SPICE1: variants seen among roughly 807,000 people sequenced by gnomAD.
SPICE1 encodes the protein spindle and centriole associated protein 1, also known as spindle and centriole-associated protein 1.
SPICE1 carries 75 observed loss-of-function variants against 102.7 expected under a neutral mutation model. The ratio of observed to expected loss-of-function variants is 0.73; its 90% CI spans 0.61 to 0.88. The LOEUF is 0.88. SPICE1 is among the 40% of genes least tolerant of loss of function. The pLI, the probability that SPICE1 is intolerant of heterozygous loss-of-function variation, is 0.00. For synonymous variants in SPICE1, 308 were observed against 350.3 expected (o/e 0.88, Z 1.35); for missense variants, 979 against 1,020.1 (o/e 0.96, Z 0.55).
intron 7 of SPICE1, among the ~76,000 whole-genome samples, chr3:113,474,885 A>AGCAAG (rs1936299347): frequency 3.3e-5 from 5 of 150,114 alleles, no homozygotes; most frequent in Admixed American, 1.3e-4. Flanking sequence ...AGAACTAGAA[A>AGCAAG]AGCAAACACA....
At chr3:113,476,004 T>C (rs937621270) in intron 7 of SPICE1, among the ~76,000 whole-genome samples, 4 of 152,202 alleles carry the variant, frequency 2.6e-5, no homozygotes, top group Non-Finnish European at 5.9e-5. Context: ...TGTCCCTGTT[T>C]GCAGATGACA....
chr3:113,453,556 T>G lies in SPICE1; in HGVS notation c.2052A>C (p.Ala684=). The change falls in exon 14 of 18, where the codon GCA becomes GCC. Residue 684 remains alanine (A), a synonymous_variant. Transcript: ENST00000295872. ...DLTLQNSAIK[A]HMNNIIEPRG... ...TGGGCTCAATAATATTATTCATATG[T>G]GCCTTGATAGCTGAATTCTGCAATG... The G allele has an allele frequency of 6.2e-7, 1 of 1,614,218 alleles. No homozygotes were observed. The highest frequency in any genetic ancestry group is 1.6e-4 in the Middle Eastern group (1 of 6,062).
Position 113,453,473 on chromosome 3 carries a change from A to T in SPICE1, c.2135T>A (p.Met712Lys), listed in dbSNP as rs746566645. 23 of 1,604,020 alleles carry T rather than the reference A, an allele frequency of 1.4e-5. No individual in the cohort carries two copies. The highest frequency in any genetic ancestry group is 2.0e-5 in the Non-Finnish European group (23 of 1,173,658). ...TCCTTAAATGGTACTCACAGAAGTC[A>T]TGTCACTTGCACTTTCTTGTTTGTT... ...ELNKQESASD[M>K]TSTFPVAQSL... Residue 712 changes from methionine to lysine, a missense_variant, in exon 14 of 18, where the codon ATG (methionine) becomes AAG (lysine). Transcript: ENST00000295872.
rs180933498 is a variant in SPICE1, at chr3:113,450,704, G to C, written c.2143-188C>G. ...CCATTCTCCTGCCTCAGTCTCCCGAGTAGCTGGGACTACAGGCACCTGCCA... is the reference window on the plus strand; with the variant it reads ...CCATTCTCCTGCCTCAGTCTCCCGACTAGCTGGGACTACAGGCACCTGCCA... On this transcript the variant is annotated intron_variant, in intron 14 of 17. Coordinates refer to ENST00000295872, the MANE Select transcript of SPICE1 (RefSeq NM_144718.4). Among the ~76,000 whole-genome samples the C allele has an allele frequency of 1.7e-3, 254 of 151,954 alleles. 3 individuals are homozygous for C. The highest frequency in any genetic ancestry group is 0.014 in the Admixed American group (208 of 15,268).
In SPICE1 at chr3:113,494,376, G is replaced by A. The variant is rs187025046; in HGVS notation, c.292-234C>T. Among the ~76,000 whole-genome samples, 421 of 152,202 alleles carry A rather than the reference G, an allele frequency of 2.8e-3. 3 individuals carry two copies. The highest frequency in any genetic ancestry group is 0.014 in the Middle Eastern group (4 of 294). ...GAAATATTCACAATTGGCCGGGCGC[G>A]GTGGCTCACGCCTGTAATCCCAGCA... On this transcript the variant is annotated intron_variant, in intron 4 of 17. Transcript: ENST00000295872.
chr3:113,506,431 G>T, intron 2 of SPICE1, 76 bp downstream of exon 2: 2 of 1,163,600 alleles, frequency 1.7e-6, no homozygotes, highest in Non-Finnish European at 2.5e-6. Flanking sequence ...ACACCATCTT[G>T]CATGACTAGG....
intron 13 of SPICE1, 139 bp from the exon 14 acceptor site, chr3:113,454,089 T>G: frequency 1.3e-6 from 1 of 766,030 alleles, no homozygotes; most frequent in Non-Finnish European, 2.0e-6. Context: ...TAAACTATTT[T>G]CAGCAGAGAA....
At position 113,445,364 on chromosome 3, in the gene SPICE1, T is replaced by C. The variant is rs1413925994; in HGVS notation, c.2515-4A>G. On this transcript the variant is annotated splice_region_variant and splice_polypyrimidine_tract_variant and intron_variant, in intron 17 of 17. Transcript: ENST00000295872. Reference sequence around the variant, plus strand: ...CTTCTTCATTCTGTTTCTCAATCTGTTGAACAAAGACACGGAAAAAATTTA... The same window carrying C: ...CTTCTTCATTCTGTTTCTCAATCTGCTGAACAAAGACACGGAAAAAATTTA... 2 of 1,612,386 alleles carry C rather than the reference T, an allele frequency of 1.2e-6. No individual in the cohort carries two copies. The highest frequency in any genetic ancestry group is 1.1e-5 in the South Asian group (1 of 90,832).
chr3:113,458,209 C>A (rs1214850371), intron 12 of SPICE1, among the ~76,000 whole-genome samples: 1 of 77,882 alleles, frequency 1.3e-5, no homozygotes, highest in Admixed American at 1.1e-4. Context: ...TCTCCCTCTC[C>A]CGTCTCCCTC....
intron 12 of SPICE1, among the ~76,000 whole-genome samples, chr3:113,458,077 A>T (rs937255883): frequency 6.6e-6 from 1 of 152,206 alleles, no homozygotes; most frequent in Admixed American, 6.5e-5. Flanking sequence ...ACTCAGGAAG[A>T]TATTACATAA....
intron 13 of SPICE1, among the ~76,000 whole-genome samples, chr3:113,456,289 T>G (rs1406592300): frequency 6.6e-6 from 1 of 151,892 alleles, no homozygotes; most frequent in Non-Finnish European, 1.5e-5. Flanking sequence ...AACAGTTATT[T>G]TTCTGTTCCC....
intron 3 of SPICE1, among the ~76,000 whole-genome samples, chr3:113,502,410 C>T (rs184884288): frequency 6.6e-6 from 1 of 152,118 alleles, no homozygotes; most frequent in East Asian, 1.9e-4. Flanking sequence ...TGTTGTATTC[C>T]GCATATATCA....
At chr3:113,509,671 TTAAA>T (rs1937180579) in intron 1 of SPICE1, among the ~76,000 whole-genome samples, 1 of 152,148 alleles carries the variant, frequency 6.6e-6, no homozygotes, top group Non-Finnish European at 1.5e-5. Context: ...ACAGAACTAA[TTAAA>T]TATATAAGTG....
In SPICE1 at chr3:113,446,546, C is replaced by A. The variant is rs1334274201; in HGVS notation, c.2514+43G>T. On this transcript the variant is annotated intron_variant, in intron 17 of 17. Transcript: ENST00000295872. ...AATCACTAAATCAGCCACCTTCTAC[C>A]CTCACCCCTATATGCATTTCACAAT... 4.9e-6 allele frequency: 7 copies of A among 1,429,852 alleles called. No individual in the cohort carries two copies. The African/African-American group carries it at 9.9e-5, about 20-fold the overall frequency. The allele number at this position is 1,429,852 out of a possible 1,614,324, so 88.6% of individuals were successfully genotyped here. A position where few individuals can be genotyped will look rare whatever the true frequency, so the allele number is the denominator to read the frequency against.
chr3:113,471,702 T>C (rs1936203016), intron 7 of SPICE1, among the ~76,000 whole-genome samples: 1 of 152,008 alleles, frequency 6.6e-6, no homozygotes, highest in Non-Finnish European at 1.5e-5. Context: ...AAGCAAAATA[T>C]ATAACTAAAA....
intron 1 of SPICE1, among the ~76,000 whole-genome samples, chr3:113,511,794 T>C (rs1937225449): frequency 6.6e-6 from 1 of 151,972 alleles, no homozygotes; most frequent in South Asian, 2.1e-4. Context: ...ATATTAAGAA[T>C]ATTAAAATTC....
chr3:113,447,269 G>A (rs1005358085), intron 16 of SPICE1, among the ~76,000 whole-genome samples: 1 of 152,050 alleles, frequency 6.6e-6, no homozygotes, highest in Non-Finnish European at 1.5e-5. Context: ...AAGATGAGTG[G>A]AAAGTACAGA....
At chr3:113,465,915 TTATTAAAAGG>T in intron 10 of SPICE1, 131 bp from the exon 11 acceptor site, 1 of 793,350 alleles carries the variant, frequency 1.3e-6, no homozygotes, top group Non-Finnish European at 1.9e-6. Flanking sequence ...ATGAAGAGTT[TTATTAAAAGG>T]TTTATTATAT....
chr3:113,478,170 A>T (rs1436663033), intron 7 of SPICE1, among the ~76,000 whole-genome samples: 3 of 152,134 alleles, frequency 2.0e-5, no homozygotes, highest in Non-Finnish European at 4.4e-5. Context: ...ATAGTACAAT[A>T]AACAGTACTA....
Sources: gnomAD v4.1 joint callset for allele counts (sites outside exome capture counted in the v4.1 genomes callset) on GRCh38, gnomAD v4.1.1 for gene constraint, MANE v1.5 for transcripts, NCBI Gene and HGNC (gene_info 2026-07-23, HGNC 2026-07-21) for gene names.